PCDH9: variants seen among roughly 807,000 people sequenced by gnomAD.
PCDH9 encodes the protein protocadherin-9.
PCDH9 carries 24 observed loss-of-function variants against 70.6 expected under a neutral mutation model. The observed-to-expected ratio is 0.34, with a 90% CI of 0.25 to 0.48. PCDH9 has a LOEUF of 0.48. Among genes scored for constraint, PCDH9 ranks in the 20% least tolerant of loss-of-function variants. The pLI is 0.99. For missense variants in PCDH9, 1,281 were observed against 1,503.6 expected (o/e 0.85, Z 2.45); for synonymous variants, 562 against 558.5 (o/e 1.01, Z -0.09).
At chr13:66,412,206 G>A (rs1957382308) in intron 4 of PCDH9, among the ~76,000 whole-genome samples, 1 of 152,132 alleles carries the variant, frequency 6.6e-6, no homozygotes, top group Admixed American at 6.5e-5. Context: ...GAGTTGTCCA[G>A]GCTGGAGTGC....
intron 3 of PCDH9, among the ~76,000 whole-genome samples, chr13:66,815,999 G>T (rs2080598875): frequency 6.6e-6 from 1 of 151,934 alleles, no homozygotes; most frequent in African/African-American, 2.4e-5. Flanking sequence ...TATTACATTG[G>T]GCTTGTCCTC....
intron 3 of PCDH9, among the ~76,000 whole-genome samples, chr13:66,700,789 A>G (rs1045617017): frequency 1.3e-5 from 2 of 151,782 alleles, no homozygotes; most frequent in African/African-American, 2.4e-5. Flanking sequence ...TCTCATACAG[A>G]CTTTCAAAAT....
At chr13:66,356,061 T>A (rs1956377370) in intron 4 of PCDH9, among the ~76,000 whole-genome samples, 1 of 152,156 alleles carries the variant, frequency 6.6e-6, no homozygotes, top group African/African-American at 2.4e-5. Context: ...GAAACCAACA[T>A]ATACTATAGG....
At chr13:67,042,537 G>A (rs1216855349) in intron 2 of PCDH9, among the ~76,000 whole-genome samples, 1 of 152,056 alleles carries the variant, frequency 6.6e-6, no homozygotes, top group Admixed American at 6.6e-5. Context: ...CTGGCCATGG[G>A]TTATCACAAA....
rs541784331 is a variant in PCDH9 at position 66,733,519 on chromosome 13, G to A, written c.3139-102108C>T. Reference sequence around the variant, plus strand: ...GGCAGGTATAAGCTGTAGAATATACGTTCATATGCTACAAATGAACAATCA... The same window carrying A: ...GGCAGGTATAAGCTGTAGAATATACATTCATATGCTACAAATGAACAATCA... On this transcript the variant is annotated intron_variant, in intron 3 of 4. Transcript: ENST00000377865. Among the ~76,000 whole-genome samples, 73 of 152,192 alleles carry A rather than the reference G, an allele frequency of 4.8e-4. 1 individual carries two copies. Among genetic ancestry groups the A allele is most frequent in the South Asian group, 4.6e-3 (22 of 4,818 alleles).
At chr13:66,951,771 A>G (rs2083185401) in intron 2 of PCDH9, among the ~76,000 whole-genome samples, 1 of 152,184 alleles carries the variant, frequency 6.6e-6, no homozygotes, top group Non-Finnish European at 1.5e-5. Flanking sequence ...AACAGAGGGT[A>G]GTTTGGAGGT....
At chr13:66,717,446 T>C (rs868645248) in intron 3 of PCDH9, among the ~76,000 whole-genome samples, 4 of 60,400 alleles carry the variant, frequency 6.6e-5, no homozygotes, top group Admixed American at 3.0e-4. Context: ...AGCAAGACTC[T>C]GTCTCAAAAA....
chr13:67,104,304 A>G (rs184726231), intron 2 of PCDH9, among the ~76,000 whole-genome samples: 16 of 152,316 alleles, frequency 1.1e-4, no homozygotes, highest in African/African-American at 3.8e-4. Flanking sequence ...AATATATGGT[A>G]AAATAATAAA....
chr13:66,585,537 A>G (rs2076951292), intron 4 of PCDH9, among the ~76,000 whole-genome samples: 1 of 152,128 alleles, frequency 6.6e-6, no homozygotes, highest in Non-Finnish European at 1.5e-5. Flanking sequence ...TAAAAATATT[A>G]TATCTCTTCA....
chr13:66,870,699 C>T lies in PCDH9; in HGVS notation c.3138+32805G>A, dbSNP rs1020804946. Among the ~76,000 whole-genome samples, 7 of 152,136 alleles carry T rather than the reference C, an allele frequency of 4.6e-5. 1 individual carries two copies. Among genetic ancestry groups the T allele is most frequent in the East Asian group, 1.9e-4 (1 of 5,184 alleles). On this transcript the variant is annotated intron_variant, in intron 3 of 4. Coordinates refer to ENST00000377865, the MANE Select transcript of PCDH9 (RefSeq NM_203487.3). The stretch of plus-strand genomic sequence containing the variant: ...AAAACCACAGTGAGATACCATCTCA[C>T]ACCAGTTAGAATGGCAATCATTAAA...
chr13:66,853,076 A>G (rs1372639943), intron 3 of PCDH9, among the ~76,000 whole-genome samples: 3 of 151,942 alleles, frequency 2.0e-5, no homozygotes, highest in Middle Eastern at 3.2e-3. Context: ...CATTAGAGAT[A>G]AGAATATAAA....
At chr13:66,933,268 T>G (rs1402521845) in intron 2 of PCDH9, among the ~76,000 whole-genome samples, 1 of 152,162 alleles carries the variant, frequency 6.6e-6, no homozygotes, top group Admixed American at 6.5e-5. Flanking sequence ...GCCTTTTACC[T>G]ATGACATCAG....
chr13:66,585,211 T>C (rs1047171246), intron 4 of PCDH9, among the ~76,000 whole-genome samples: 2 of 152,124 alleles, frequency 1.3e-5, no homozygotes, highest in Admixed American at 1.3e-4. Context: ...AATGCATATA[T>C]GCATTATTTT....
chr13:67,227,208 C>G lies in PCDH9; in HGVS notation c.1233G>C (p.Leu411Phe), dbSNP rs142366619. ...CFIEREVPFH[L>F]KAVYDNQYLL... ...AATATTGGTTGTCATATACCGCCTT[C>G]AAATGAAATGGGACCTCTCTTTCAA... The change falls in exon 2 of 5, where the codon TTG becomes TTC. Residue 411 changes from leucine (L) to phenylalanine (F), a missense_variant. This residue lies in a region of PCDH9 where 798 missense variants were observed against 1,003.1 expected (regional missense o/e 0.80). Transcript: ENST00000377865. This position sits in a 1 kb window ranked among gnomAD's most constrained non-coding sequence, Gnocchi z 4.6. 1.9e-6 allele frequency: 3 copies of G among 1,613,726 alleles called. No homozygotes were observed. The African/African-American group carries it at 4.0e-5, about 22-fold the overall frequency.
intron 2 of PCDH9, among the ~76,000 whole-genome samples, chr13:67,172,406 A>G (rs1455114770): frequency 6.6e-6 from 1 of 152,210 alleles, no homozygotes; most frequent in African/African-American, 2.4e-5. Context: ...TTCAGTGTAC[A>G]GGCAGTTAAA....
intron 3 of PCDH9, among the ~76,000 whole-genome samples, chr13:66,742,012 C>G (rs1265557922): frequency 7.5e-6 from 1 of 134,048 alleles, no homozygotes; most frequent in Non-Finnish European, 1.6e-5. Context: ...CATATGGAAC[C>G]AAAAAAGAGC....
intron 3 of PCDH9, among the ~76,000 whole-genome samples, chr13:66,807,508 G>C (rs2080429540): frequency 6.6e-6 from 1 of 152,130 alleles, no homozygotes; most frequent in South Asian, 2.1e-4. Context: ...TTCTTCAAAA[G>C]ATGTATAAGT....
chr13:66,850,283 C>T (rs2081293846), intron 3 of PCDH9, among the ~76,000 whole-genome samples: 2 of 152,170 alleles, frequency 1.3e-5, no homozygotes, highest in South Asian at 4.1e-4. Context: ...TTTTGGGAGA[C>T]TGAGGCAGGC....
chr13:66,793,244 T>G (rs2080189627), intron 3 of PCDH9, among the ~76,000 whole-genome samples: 1 of 152,168 alleles, frequency 6.6e-6, no homozygotes, highest in African/African-American at 2.4e-5. Flanking sequence ...GGAGAGAACA[T>G]GGACTATTCA....
Sources: allele counts gnomAD v4.1 joint callset (sites outside exome capture counted in the v4.1 genomes callset), GRCh38; gene constraint gnomAD v4.1.1; regional missense constraint gnomAD v4.1.1; non-coding constraint Gnocchi (gnomAD v3.1); transcripts MANE v1.5; gene names NCBI Gene and HGNC (gene_info 2026-07-23, HGNC 2026-07-21).